COL6A1: variants seen among roughly 807,000 people sequenced by gnomAD.
COL6A1 encodes collagen alpha-1(VI) chain.
Under a neutral mutation model 145.6 loss-of-function variants are expected in COL6A1, and 80 were observed. The observed-to-expected ratio is 0.55, with a 90% CI of 0.46 to 0.66. COL6A1 has a LOEUF of 0.66. Ranked by LOEUF, COL6A1 falls within the 30% of genes least tolerant of loss-of-function variation. COL6A1 has a pLI of 0.00. For missense variants in COL6A1, 1,364 were observed against 1,473.8 expected, an observed-to-expected ratio of 0.93 and a Z score of 1.22; for synonymous variants, 638 against 622.8, an observed-to-expected ratio of 1.02 and a Z score of -0.36.
chr21:45,991,159 A>G (rs1170085219), intron 15 of COL6A1, 118 bp downstream of exon 15: 2 of 1,110,812 alleles, frequency 1.8e-6, no homozygotes, highest in East Asian at 5.0e-5. Flanking sequence ...GTGCGGCCTC[A>G]GAGGGGAGGA....
chr21:45,985,372 G>A (rs1479761091), intron 3 of COL6A1, among the ~76,000 whole-genome samples: 1 of 143,786 alleles, frequency 7.0e-6, no homozygotes, highest in African/African-American at 2.8e-5. Context: ...AGAGAGAGAA[G>A]CACAGACAGA....
Position 46,002,688 on chromosome 21 carries a change from T to C in COL6A1, c.2412T>C (p.Asn804=), listed in dbSNP as rs2077854197. ...AELLEDAFLK[N]VTAQICIDKK... The stretch of plus-strand genomic sequence containing the variant: ...TGCTGGAGGATGCCTTCCTGAAGAA[T>C]GTCACCGCCCAGATCTGCATAGGTG... Residue 804 remains asparagine, a synonymous_variant, in exon 33 of 35, where the codon AAT becomes AAC. Transcript: ENST00000361866. The C allele has an allele frequency of 4.3e-6, 7 of 1,613,514 alleles. No individual in the cohort carries two copies. Among genetic ancestry groups the C allele is most frequent in the Non-Finnish European group, 5.9e-6 (7 of 1,179,856 alleles).
At chr21:45,996,582 G>GCAGGCACAGGCCAGGGACAGGCGTCCGAC (rs1252132316) in intron 20 of COL6A1, among the ~76,000 whole-genome samples, 62 of 152,060 alleles carry the variant, frequency 4.1e-4, no homozygotes, top group African/African-American at 1.5e-3. Context: ...AGGCGTCTGA[G>GCAGGCACAGGCCAGGGACAGGCGTCCGAC]CAGGCACAGG....
chr21:45,996,599 A>C (rs1451453820), intron 20 of COL6A1, among the ~76,000 whole-genome samples: 1 of 152,154 alleles, frequency 6.6e-6, no homozygotes, highest in Non-Finnish European at 1.5e-5. Flanking sequence ...CAGGCCAGGG[A>C]CAGGCGTCCG....
intron 3 of COL6A1, among the ~76,000 whole-genome samples, chr21:45,986,095 C>G (rs1006557475): frequency 6.6e-6 from 1 of 152,302 alleles, no homozygotes; most frequent in Non-Finnish European, 1.5e-5. Context: ...ATTCAGGGAT[C>G]GCCCTGTTGT....
At chr21:45,992,656 G>T in intron 18 of COL6A1, 92 bp from the exon 19 acceptor site, 1 of 1,323,056 alleles carries the variant, frequency 7.6e-7, no homozygotes, top group South Asian at 1.3e-5. Flanking sequence ...GTCCTGCTGG[G>T]GGAGTCAGTC....
At chr21:45,989,518 T>TGGGCTGGAGGGAGGGGTGTG in intron 9 of COL6A1, 90 bp from the exon 10 acceptor site, 1 of 1,355,682 alleles carries the variant, frequency 7.4e-7, no homozygotes, top group South Asian at 1.2e-5. Flanking sequence ...TGACCAGGCC[T>TGGGCTGGAGGGAGGGGTGTG]GGGCTGGAGG....
Position 45,992,243 on chromosome 21 carries a change from C to G in COL6A1, c.1236+26C>G, listed in dbSNP as rs760273225. ...GTGAGTGAGGGCTCCTGACACCTTCCTGGGGAAGTGCATGGCCTCAGCTTC... is the reference window on the plus strand; with the variant it reads ...GTGAGTGAGGGCTCCTGACACCTTCGTGGGGAAGTGCATGGCCTCAGCTTC... On this transcript the variant is annotated intron_variant, in intron 17 of 34. Coordinates refer to ENST00000361866, the MANE Select transcript of COL6A1 (RefSeq NM_001848.3). The G allele has an allele frequency of 8.9e-5, 144 of 1,613,582 alleles. 2 individuals carry two copies. The South Asian group carries it at 1.5e-3, about 17-fold the overall frequency.
At chr21:45,992,534 A>T in intron 18 of COL6A1, 136 bp downstream of exon 18, 1 of 1,173,090 alleles carries the variant, frequency 8.5e-7, no homozygotes, top group Non-Finnish European at 1.2e-6. Flanking sequence ...CTTCACCCAC[A>T]CGTCCAGGAT....
At position 45,999,214 on chromosome 21, in the gene COL6A1, C is replaced by A; in HGVS notation, c.1736C>A (p.Pro579His). The A allele has an allele frequency of 6.3e-7, 1 of 1,596,906 alleles. No individual in the cohort carries two copies. Among genetic ancestry groups the A allele is most frequent in the Non-Finnish European group, 8.5e-7 (1 of 1,172,930 alleles). ...GAKGYRGPEG[P>H]QGPPGHQGPP... The stretch of plus-strand genomic sequence containing the variant: ...AAGGGGTACCGGGGTCCCGAGGGCC[C>A]CCAGGTGGGTGGATGTGGCTGGGTG... Residue 579 changes from proline to histidine, a missense_variant, in exon 26 of 35, where the codon CCC becomes CAC. This residue lies in a region of COL6A1 where 938 missense variants were observed against 1,003.8 expected (regional missense o/e 0.93). Coordinates refer to ENST00000361866, the MANE Select transcript of COL6A1 (RefSeq NM_001848.3).
intron 1 of COL6A1, 49 bp downstream of exon 1, chr21:45,981,996 C>G (rs984661692): frequency 1.4e-6 from 2 of 1,444,584 alleles, no homozygotes. Context: ...CTCTTTGCTG[C>G]CGGCCAGGGC....
rs750677189 is a variant in COL6A1, at chr21:46,002,687, A to G, written c.2411A>G (p.Asn804Ser). 10 of 1,613,420 alleles carry G rather than the reference A, an allele frequency of 6.2e-6. No individual in the cohort carries two copies. The highest frequency in any genetic ancestry group is 8.5e-6 in the Non-Finnish European group (10 of 1,179,856). Residue 804 changes from asparagine to serine, a missense_variant, in exon 33 of 35, where the codon AAT becomes AGT. Physicochemically the swap from Asn to Ser is conservative, Grantham distance 46. Around this residue, in one of 3 missense-constraint regions of COL6A1, gnomAD observed 938 missense variants for 1,003.8 expected, o/e 0.93. Transcript: ENST00000361866. ...AELLEDAFLK[N>S]VTAQICIDKK... is the part of the protein sequence containing the mutation. ...CTGCTGGAGGATGCCTTCCTGAAGA[A>G]TGTCACCGCCCAGATCTGCATAGGT...
At chr21:45,983,617 C>G (rs2077720806) in intron 2 of COL6A1, among the ~76,000 whole-genome samples, 2 of 151,222 alleles carry the variant, frequency 1.3e-5, no homozygotes, top group African/African-American at 4.9e-5. Context: ...TACCAGGAAC[C>G]CTGAGCTTAG....
Position 45,987,404 on chromosome 21 carries a change from C to T in COL6A1, c.739-95C>T, listed in dbSNP as rs1006653373. The T allele has an allele frequency of 2.1e-5, 33 of 1,566,356 alleles. No individual in the cohort carries two copies. The South Asian group carries it at 2.2e-4, about 11-fold the overall frequency. The stretch of plus-strand genomic sequence containing the variant: ...CCGCCTGTGCGTCCATCCGTGTGTC[C>T]GTCTGCCCATGTGCCTGGGTCGCAT... On this transcript the variant is annotated intron_variant, in intron 6 of 34. Coordinates refer to ENST00000361866, the MANE Select transcript of COL6A1 (RefSeq NM_001848.3).
chr21:46,001,484 G>A lies in COL6A1; in HGVS notation c.1956+98G>A, dbSNP rs1183785501. The stretch of plus-strand genomic sequence containing the variant: ...CAGACCTCAGCCTCCCGAGGCCACC[G>A]CTGCATCCCTGTGACTTCCCTACTC... On this transcript the variant is annotated intron_variant, in intron 30 of 34. Transcript: ENST00000361866. The A allele has an allele frequency of 6.1e-6, 9 of 1,486,242 alleles. No individual in the cohort carries two copies. In the East Asian group the frequency reaches 6.8e-5, roughly 11 times the overall value. The allele number at this position is 1,486,242 out of a possible 1,614,324, so 92.1% of individuals were successfully genotyped here. A position where few individuals can be genotyped will look rare whatever the true frequency, so the allele number is the denominator to read the frequency against.
Position 45,987,058 on chromosome 21 carries a change from AT to A in COL6A1, c.704del (p.Ile235ThrfsTer4). ...EEAISQTIDT[I>X]VDMIKNNVEQ... The stretch of plus-strand genomic sequence containing the variant: ...GGCCATCAGCCAGACCATCGACACC[AT>A]CGTGGACATGATCGTGAGGCCCCTG... On this transcript the variant is annotated frameshift_variant, in exon 5 of 35. Coordinates refer to ENST00000361866, the MANE Select transcript of COL6A1 (RefSeq NM_001848.3). LOFTEE classifies it high-confidence loss of function. 6.4e-7 allele frequency: 1 copy of A among 1,555,142 alleles called. No individual in the cohort carries two copies.
rs1010075774 is a variant in COL6A1 at position 46,003,206 on chromosome 21, G to A, written c.2464+57G>A. 6.2e-6 allele frequency: 10 copies of A among 1,612,854 alleles called. No individual in the cohort carries two copies. In the African/African-American group the frequency reaches 8.0e-5, roughly 13 times the overall value. On this transcript the variant is annotated intron_variant, in intron 34 of 34. Transcript: ENST00000361866. ...AGGAGGGCACCGTGGTTGGGGCGAG[G>A]GCTCTGAGAGGACGGGGCTCTGGGA...
chr21:45,997,680 C>T lies in COL6A1; in HGVS notation c.1462-20C>T, dbSNP rs774637944. On this transcript the variant is annotated intron_variant, in intron 21 of 34. Transcript: ENST00000361866. ...CACCATGCTAAGCCTGCTCCCCTCA[C>T]GCCTCCTCTTCCTCCTCAGGGTGCC... is the stretch of plus-strand genomic sequence containing the variant. 4.6e-5 allele frequency: 72 copies of T among 1,578,070 alleles called. No homozygotes were observed. The highest frequency in any genetic ancestry group is 6.9e-5 in the South Asian group (6 of 86,522).
Position 46,004,437 on chromosome 21 carries a change from A to C in COL6A1, c.*424A>C. 3 of 315,616 alleles carry C rather than the reference A, an allele frequency of 9.5e-6. No homozygotes were observed. Among genetic ancestry groups the C allele is most frequent in the South Asian group, 2.8e-5 (1 of 35,658 alleles). The allele number at this position is 315,616 out of a possible 1,614,324, so 19.6% of individuals were successfully genotyped here. The stretch of plus-strand genomic sequence containing the variant: ...CCTAGGCACCTCTGTGCTGCATCCC[A>C]CCAGCCTGAGCAAGACGCCCTCTCG... On this transcript the variant is annotated 3_prime_UTR_variant, in exon 35 of 35. Coordinates refer to ENST00000361866, the MANE Select transcript of COL6A1 (RefSeq NM_001848.3).
Sources: allele counts gnomAD v4.1 joint callset (sites outside exome capture counted in the v4.1 genomes callset), GRCh38; gene constraint gnomAD v4.1.1; regional missense constraint gnomAD v4.1.1; transcripts MANE v1.5; gene names NCBI Gene and HGNC (gene_info 2026-07-23, HGNC 2026-07-21).